Variants in MYH11 observed in about 807,000 individuals in gnomAD.
The protein encoded by MYH11 is myosin-11.
In MYH11, 80 loss-of-function variants were observed where a neutral mutation model predicts 246.6. The observed-to-expected ratio is 0.32, with a 90% CI of 0.27 to 0.39. The LOEUF (loss-of-function observed/expected upper bound fraction) is 0.39. MYH11 is among the 10% of genes least tolerant of loss of function. The probability of loss-of-function intolerance (pLI) is 1.00; values close to 1 mark genes in which losing one functional copy is unlikely to be tolerated. For synonymous variants in MYH11, 1,071 were observed against 1,015.5 expected (o/e 1.05, Z -1.04); for missense variants, 2,158 against 2,546.8 (o/e 0.85, Z 3.29).
At chr16:15,740,255 G>A (rs2041235508) in intron 22 of MYH11, 67 bp from the exon 23 acceptor site, 4 of 1,609,184 alleles carry the variant, frequency 2.5e-6, no homozygotes, top group African/African-American at 1.3e-5. Flanking sequence ...GTGATCTGGG[G>A]ACTAATGAAT....
At chr16:15,809,199 G>C (rs79908482) in intron 3 of MYH11, among the ~76,000 whole-genome samples, 19 of 152,230 alleles carry the variant, frequency 1.2e-4, no homozygotes, top group African/African-American at 4.6e-4. Context: ...TTACACATAC[G>C]CACAGTAGGC....
intron 8 of MYH11, among the ~76,000 whole-genome samples, chr16:15,772,236 C>T (rs1208321532): frequency 1.3e-5 from 2 of 151,542 alleles, no homozygotes; most frequent in Non-Finnish European, 2.9e-5. Context: ...GGATTACAGG[C>T]GCCCGCCACC....
chr16:15,712,238 T>G (rs1472627032), intron 40 of MYH11, among the ~76,000 whole-genome samples: 6 of 152,060 alleles, frequency 3.9e-5, no homozygotes, highest in Non-Finnish European at 2.9e-5. Context: ...GGGAGGGTGG[T>G]CTGAGGTTCT....
chr16:15,826,443 G>A (rs2043566878), intron 2 of MYH11, among the ~76,000 whole-genome samples: 1 of 152,054 alleles, frequency 6.6e-6, no homozygotes, highest in East Asian at 1.9e-4. Context: ...TTAAAAATTA[G>A]CTGGGCATGG....
chr16:15,705,534 T>G (rs1433082598), intron 40 of MYH11, among the ~76,000 whole-genome samples: 1 of 152,198 alleles, frequency 6.6e-6, no homozygotes, highest in Admixed American at 6.6e-5. Flanking sequence ...AATAATTATG[T>G]TGGGCTCTGG....
rs1390176909 is a variant in MYH11, at chr16:15,782,402, C to T, written c.709G>A (p.Asp237Asn). Residue 237 changes from aspartate (D) to asparagine (N), a missense_variant, in exon 6 of 41, where the codon GAC becomes AAC. Coordinates refer to ENST00000300036, the MANE Select transcript of MYH11 (RefSeq NM_002474.3). ...CTACTTACGAATCGTGAGGAGTTGTCGTTCTTCACTGTTTTGGCGTTGCCG... is the reference window on the plus strand; with the variant it reads ...CTACTTACGAATCGTGAGGAGTTGTTGTTCTTCACTGTTTTGGCGTTGCCG... ...AFGNAKTVKN[D>N]NSSRFGKFIR... 3 of 1,613,938 alleles carry T rather than the reference C, an allele frequency of 1.9e-6. No individual in the cohort carries two copies. Among genetic ancestry groups the T allele is most frequent in the Non-Finnish European group, 2.5e-6 (3 of 1,179,974 alleles).
intron 20 of MYH11, among the ~76,000 whole-genome samples, chr16:15,744,735 G>A (rs966399691): frequency 8.1e-5 from 12 of 148,400 alleles, no homozygotes; most frequent in African/African-American, 7.5e-5. Context: ...ACTCCTGACC[G>A]CAAGTGATCC....
At position 15,844,004 on chromosome 16, in the gene MYH11, CA is replaced by C. The variant is rs548086461; in HGVS notation, c.-17-5736del. ...AATCTACTAATTAACCCTAACATCA[CA>C]AAAAGAGAGAGCTGACTAGACATTA... On this transcript the variant is annotated intron_variant, in intron 1 of 40. Coordinates refer to ENST00000300036, the MANE Select transcript of MYH11 (RefSeq NM_002474.3). 4.2e-3 allele frequency among the ~76,000 whole-genome samples: 640 copies of C among 152,170 alleles called. 7 individuals carry two copies. Among genetic ancestry groups the C allele is most frequent in the African/African-American group, 0.014 (576 of 41,520 alleles).
intron 1 of MYH11, among the ~76,000 whole-genome samples, chr16:15,843,127 T>C (rs2044098191): frequency 6.6e-6 from 1 of 152,088 alleles, no homozygotes. Context: ...CCCAGCACTT[T>C]GAGAGGCCCA....
intron 12 of MYH11, 23 bp from the exon 13 acceptor site, chr16:15,758,023 G>A: frequency 6.2e-7 from 1 of 1,612,804 alleles, no homozygotes; most frequent in Non-Finnish European, 8.5e-7. Context: ...CGTGGGGGCG[G>A]GGCGTGAGCA....
At chr16:15,834,276 T>C (rs215588) in intron 2 of MYH11, among the ~76,000 whole-genome samples, 118,442 of 151,974 alleles carry the variant, frequency 0.78, 46,370 homozygotes, top group African/African-American at 0.82. Flanking sequence ...CCTGTGATCC[T>C]AGCACTTTGG....
At chr16:15,834,129 C>T (rs914811844) in intron 2 of MYH11, among the ~76,000 whole-genome samples, 2 of 151,902 alleles carry the variant, frequency 1.3e-5, no homozygotes, top group Non-Finnish European at 2.9e-5. Flanking sequence ...ACAGGCCTGT[C>T]CTGAAACTCC....
intron 7 of MYH11, among the ~76,000 whole-genome samples, chr16:15,777,100 C>G (rs60240081): frequency 1.4e-3 from 206 of 148,690 alleles, no homozygotes; most frequent in African/African-American, 2.7e-3. Context: ...TACACACGCA[C>G]ACATACACAC....
chr16:15,752,211 G>A (rs560083581), intron 15 of MYH11, among the ~76,000 whole-genome samples: 6 of 152,048 alleles, frequency 3.9e-5, no homozygotes, highest in African/African-American at 1.2e-4. Context: ...CCCAGGGTGC[G>A]ATGTTGTTCC....
intron 37 of MYH11, chr16:15,717,622 C>A: frequency 1.8e-6 from 1 of 560,440 alleles, no homozygotes; most frequent in East Asian, 3.0e-5. Flanking sequence ...TGGTGAAACC[C>A]CGTCTCTATT....
intron 10 of MYH11, among the ~76,000 whole-genome samples, chr16:15,761,677 C>T (rs759187273): frequency 2.0e-4 from 30 of 152,156 alleles, no homozygotes; most frequent in Non-Finnish European, 2.5e-4. Flanking sequence ...TTTGCATGTG[C>T]AAGGCAGAGT....
chr16:15,771,743 A>G (rs768713738), intron 8 of MYH11, 31 bp from the exon 9 acceptor site: 4 of 1,613,618 alleles, frequency 2.5e-6, no homozygotes, highest in African/African-American at 1.3e-5. Context: ...GTCAGGGTCA[A>G]TAAGACATAC....
Position 15,838,248 on chromosome 16 carries a change from G to C in MYH11, c.5C>G (p.Ala2Gly). 6.2e-7 allele frequency: 1 copy of C among 1,613,938 alleles called. No homozygotes were observed. The highest frequency in any genetic ancestry group is 8.5e-7 in the Non-Finnish European group (1 of 1,179,960). Reference sequence around the variant, plus strand: ...ATCGTCACTGAGTTGGCCCTTCTGCGCCATGGTGCCTTGTTGGTCCCCTGT... The same window carrying C: ...ATCGTCACTGAGTTGGCCCTTCTGCCCCATGGTGCCTTGTTGGTCCCCTGT... M[A>G]QKGQLSDDEK... is the part of the protein sequence containing the mutation. Residue 2 changes from alanine (A) to glycine (G), a missense_variant, in exon 2 of 41, where the codon GCG becomes GGG. Physicochemically the swap from Ala to Gly is moderately conservative, Grantham distance 60 (BLOSUM62 0). Coordinates refer to ENST00000300036, the MANE Select transcript of MYH11 (RefSeq NM_002474.3).
At chr16:15,786,990 G>A (rs995617097) in intron 4 of MYH11, among the ~76,000 whole-genome samples, 1 of 152,188 alleles carries the variant, frequency 6.6e-6, no homozygotes, top group African/African-American at 2.4e-5. Flanking sequence ...TGAAAAGGTG[G>A]GCCGGATGTG....
Sources: allele counts gnomAD v4.1 joint callset (sites outside exome capture counted in the v4.1 genomes callset), GRCh38; gene constraint gnomAD v4.1.1; transcripts MANE v1.5; gene names NCBI Gene and HGNC (gene_info 2026-07-23, HGNC 2026-07-21).